DENND5A: variants seen among roughly 807,000 people sequenced by gnomAD.
DENND5A encodes the protein DENN domain containing 5A.
DENND5A carries 64 observed loss-of-function variants against 140.3 expected under a neutral mutation model. The ratio of observed to expected loss-of-function variants is 0.46; its 90% CI spans 0.37 to 0.56. DENND5A has a LOEUF of 0.56. Among genes scored for constraint, DENND5A ranks in the 20% least tolerant of loss-of-function variants. The probability of loss-of-function intolerance (pLI) is 0.00; values close to 1 mark genes in which losing one functional copy is unlikely to be tolerated. For missense variants in DENND5A, 1,292 were observed against 1,593.8 expected (o/e 0.81, Z 3.22); for synonymous variants, 605 against 607.7 (o/e 1.00, Z 0.07).
chr11:9,214,696 C>T (rs1328755739), intron 1 of DENND5A, among the ~76,000 whole-genome samples: 1 of 152,122 alleles, frequency 6.6e-6, no homozygotes, highest in African/African-American at 2.4e-5. Flanking sequence ...GTCCACTGCC[C>T]CCCAACCCCC....
chr11:9,240,402 C>CCA (rs1851186280), intron 1 of DENND5A, among the ~76,000 whole-genome samples: 3 of 151,968 alleles, frequency 2.0e-5, no homozygotes, highest in Non-Finnish European at 4.4e-5. Context: ...GTCTCAAAAA[C>CCA]AAACAAACAA....
chr11:9,214,773 G>A (rs1850022209), intron 1 of DENND5A, among the ~76,000 whole-genome samples: 1 of 152,188 alleles, frequency 6.6e-6, no homozygotes, highest in African/African-American at 2.4e-5. Flanking sequence ...ACCCAGGCTG[G>A]AGTGCAGTGG....
chr11:9,140,382 C>T (rs755718950), intron 22 of DENND5A: 252 of 426,252 alleles, frequency 5.9e-4, no homozygotes, highest in Non-Finnish European at 9.9e-4. Context: ...CTAGTGAATG[C>T]GGTTCTGGAG....
At chr11:9,164,697 A>C (rs1461100949) in intron 11 of DENND5A, among the ~76,000 whole-genome samples, 13 of 152,212 alleles carry the variant, frequency 8.5e-5, no homozygotes, top group Non-Finnish European at 1.5e-5. Flanking sequence ...GGCACATAGT[A>C]GGTACCCAGT....
chr11:9,180,377 C>T (rs1848687944), intron 6 of DENND5A, among the ~76,000 whole-genome samples: 1 of 152,048 alleles, frequency 6.6e-6, no homozygotes, highest in South Asian at 2.1e-4. Context: ...CACCTGAGCC[C>T]AGGAGATTGA....
chr11:9,262,443 C>A (rs1382288906), intron 1 of DENND5A, among the ~76,000 whole-genome samples: 4 of 152,108 alleles, frequency 2.6e-5, no homozygotes, highest in Admixed American at 2.6e-4. Context: ...TTTAATATTT[C>A]TCAACATGTT....
chr11:9,208,499 A>G (rs78773113), intron 1 of DENND5A, among the ~76,000 whole-genome samples: 1 of 152,222 alleles, frequency 6.6e-6, no homozygotes, highest in Non-Finnish European at 1.5e-5. Flanking sequence ...TCCCAAAGGC[A>G]CCTCAAAAGT....
At chr11:9,210,154 C>T (rs532269085) in intron 1 of DENND5A, among the ~76,000 whole-genome samples, 1 of 151,984 alleles carries the variant, frequency 6.6e-6, no homozygotes, top group East Asian at 1.9e-4. Context: ...CTCAGAAACA[C>T]CTACATAGGC....
intron 1 of DENND5A, among the ~76,000 whole-genome samples, chr11:9,246,585 C>G (rs905558212): frequency 7.1e-6 from 1 of 140,400 alleles, no homozygotes; most frequent in African/African-American, 2.7e-5. Flanking sequence ...GTACTCCAGC[C>G]TAGGCCACAG....
At chr11:9,191,076 G>C (rs756017900) in intron 5 of DENND5A, among the ~76,000 whole-genome samples, 24 of 152,124 alleles carry the variant, frequency 1.6e-4, no homozygotes, top group Non-Finnish European at 2.9e-4. Flanking sequence ...TAATTCTACT[G>C]TTCCACTGTC....
intron 11 of DENND5A, among the ~76,000 whole-genome samples, chr11:9,165,351 C>T (rs1040527803): frequency 5.3e-5 from 8 of 152,150 alleles, no homozygotes; most frequent in Non-Finnish European, 1.0e-4. Flanking sequence ...GCAAAGCATG[C>T]ATGCTCTCAA....
intron 1 of DENND5A, among the ~76,000 whole-genome samples, chr11:9,229,833 T>C (rs970832851): frequency 3.3e-5 from 5 of 151,962 alleles, no homozygotes; most frequent in Non-Finnish European, 5.9e-5. Flanking sequence ...TCATTCTTCA[T>C]TGAGCCTAAG....
intron 1 of DENND5A, among the ~76,000 whole-genome samples, chr11:9,225,752 ACT>A (rs1023118533): frequency 4.6e-5 from 7 of 152,076 alleles, no homozygotes; most frequent in African/African-American, 1.4e-4. Context: ...ACAGAGCAAG[ACT>A]CTGTCTCAAA....
chr11:9,189,105 T>C (rs1352986248), intron 5 of DENND5A, among the ~76,000 whole-genome samples: 2 of 152,186 alleles, frequency 1.3e-5, no homozygotes, highest in East Asian at 1.9e-4. Context: ...CTTGGTGCCC[T>C]GCATCCCAGC....
At position 9,139,418 on chromosome 11, in the gene DENND5A, C is replaced by A. The variant is rs542128655; in HGVS notation, c.*253G>T. The A allele has an allele frequency of 1.4e-4, 65 of 463,844 alleles. No individual in the cohort carries two copies. Among genetic ancestry groups the A allele is most frequent in the African/African-American group, 1.2e-3 (60 of 51,296 alleles). 28.7% of individuals were successfully genotyped at this position (463,844 alleles called of 1,614,324 possible). On this transcript the variant is annotated 3_prime_UTR_variant, in exon 23 of 23. Transcript: ENST00000328194. ...CATGTGGCCACGGCGAGGGAGGGCA[C>A]CAGCTTCAAAATAAGCGGCACCAGC... is the stretch of plus-strand genomic sequence containing the variant.
rs553526496 is a variant in DENND5A at position 9,217,385 on chromosome 11, A to C, written c.110-9753T>G. Among the ~76,000 whole-genome samples the C allele has an allele frequency of 2.0e-5, 3 of 152,156 alleles. No homozygotes were observed. In the South Asian group the frequency reaches 6.2e-4, roughly 32 times the overall value. On this transcript the variant is annotated intron_variant, in intron 1 of 22. Coordinates refer to ENST00000328194, the MANE Select transcript of DENND5A (RefSeq NM_015213.4). ...AAAAATTAGCCAGGCGTGGTGGGGCACACCTGTAGTTCCAGCTACTCGAGA... is the reference window on the plus strand; with the variant it reads ...AAAAATTAGCCAGGCGTGGTGGGGCCCACCTGTAGTTCCAGCTACTCGAGA...
intron 5 of DENND5A, among the ~76,000 whole-genome samples, chr11:9,189,066 G>C (rs1849018917): frequency 6.6e-6 from 1 of 152,182 alleles, no homozygotes; most frequent in Admixed American, 6.5e-5. Flanking sequence ...GCCTGACACA[G>C]GGTCCCCATG....
At chr11:9,149,443 C>A (rs1466510393) in intron 15 of DENND5A, among the ~76,000 whole-genome samples, 1 of 152,134 alleles carries the variant, frequency 6.6e-6, no homozygotes, top group Non-Finnish European at 1.5e-5. Context: ...AGCAAATAGA[C>A]AATGATAATA....
chr11:9,141,911 G>A, intron 22 of DENND5A, 29 bp downstream of exon 22: 1 of 1,549,320 alleles, frequency 6.5e-7, no homozygotes, highest in East Asian at 2.3e-5. Flanking sequence ...GCTAACCGCT[G>A]TGCACTCTGG....
Sources: allele counts gnomAD v4.1 joint callset (sites outside exome capture counted in the v4.1 genomes callset), GRCh38; gene constraint gnomAD v4.1.1; transcripts MANE v1.5; gene names NCBI Gene and HGNC (gene_info 2026-07-23, HGNC 2026-07-21).